Variants in P3H3 observed in about 807,000 individuals in gnomAD.
P3H3 encodes the protein gene rich cluster, B.
Under a neutral mutation model 78.1 loss-of-function variants are expected in P3H3, and 64 were observed. That is an observed-to-expected ratio of 0.82 (90% CI 0.67 to 1.01). P3H3 has a LOEUF of 1.01. P3H3 is among the 50% of genes least tolerant of loss of function. The pLI is 0.00. For missense variants in P3H3, 975 were observed against 982.2 expected, an observed-to-expected ratio of 0.99 and a Z score of 0.10; for synonymous variants, 425 against 416.7, an observed-to-expected ratio of 1.02 and a Z score of -0.24.
In P3H3 at chr12:6,831,950, G is replaced by A. The variant is rs781932486; in HGVS notation, c.1212+36G>A. 8.2e-6 allele frequency: 10 copies of A among 1,214,752 alleles called. No individual in the cohort carries two copies. The highest frequency in any genetic ancestry group is 3.8e-5 in the Admixed American group (2 of 53,236). 75.2% of individuals were successfully genotyped at this position (1,214,752 alleles called of 1,614,324 possible). ...CCACTTCTGCCCATCTCACCCCTCC[G>A]CACTCCCAGGAGGGATGGCACTTTG... On this transcript the variant is annotated intron_variant, in intron 6 of 14. Coordinates refer to ENST00000290510, the MANE Select transcript of P3H3 (RefSeq NM_014262.5). The surrounding 1 kb of genome is among the most constrained non-coding windows in gnomAD (Gnocchi z 4.6).
intron 9 of P3H3, among the ~76,000 whole-genome samples, 179 bp downstream of exon 9, chr12:6,834,228 T>C (rs1943475633): frequency 6.6e-6 from 1 of 152,186 alleles, no homozygotes; most frequent in African/African-American, 2.4e-5. Flanking sequence ...CTGACATAGG[T>C]GGATGTTCTT....
Position 6,830,784 on chromosome 12 carries a change from G to A in P3H3, c.985+14G>A, listed in dbSNP as rs1555121285. 10 of 1,613,318 alleles carry A rather than the reference G, an allele frequency of 6.2e-6. No homozygotes were observed. Among genetic ancestry groups the A allele is most frequent in the Non-Finnish European group, 8.5e-6 (10 of 1,179,380 alleles). On this transcript the variant is annotated intron_variant, in intron 4 of 14. Transcript: ENST00000290510. The stretch of plus-strand genomic sequence containing the variant: ...CCCATGCTCAGGGTCAGTTGGGGAA[G>A]GGTGGAAACGGGGAGTGAAGATTTG...
rs78623250 is a variant in P3H3 at position 6,838,032 on chromosome 12, C to T, written c.1904C>T (p.Thr635Met). ...FFTEPNALTVTARVRPRCGRL... is the reference protein window; with the variant it reads ...FFTEPNALTVMARVRPRCGRL... ...ACGGAGCCCAACGCCCTCACTGTCA[C>T]GGTGCGTGGAGTGGGGGGTGTGACG... The change falls in exon 13 of 15, where the codon ACG becomes ATG. Residue 635 changes from threonine to methionine, a missense_variant and splice_region_variant. Transcript: ENST00000290510. 9.7e-3 allele frequency: 15,470 copies of T among 1,601,022 alleles called. 108 individuals carry two copies. Among genetic ancestry groups the T allele is most frequent in the Admixed American group, 0.014 (815 of 58,118 alleles).
chr12:6,834,159 G>A (rs1417285992), intron 9 of P3H3, 110 bp downstream of exon 9: 21 of 1,503,740 alleles, frequency 1.4e-5, no homozygotes, highest in Admixed American at 3.6e-5. Flanking sequence ...TTATCCAACC[G>A]GGACTGTGCT....
chr12:6,837,821 C>G lies in P3H3; in HGVS notation c.1801C>G (p.Pro601Ala). The change falls in exon 12 of 15, where the codon CCC becomes GCC. Residue 601 changes from proline (P) to alanine (A), a missense_variant. Physicochemically the swap from Pro to Ala is conservative, Grantham distance 27. Transcript: ENST00000290510. The stretch of plus-strand genomic sequence containing the variant: ...TGACACGGGAGAGTGCTGGCGGGAG[C>G]CCCCAGCCTACACCTATCGGGACTA... ...DPDTGECWRE[P>A]PAYTYRDYSG... The G allele has an allele frequency of 6.2e-7, 1 of 1,611,984 alleles. No individual in the cohort carries two copies. Among genetic ancestry groups the G allele is most frequent in the Non-Finnish European group, 8.5e-7 (1 of 1,179,074 alleles).
At position 6,831,305 on chromosome 12, in the gene P3H3, T is replaced by G. The variant is rs202164451; in HGVS notation, c.1075T>G (p.Tyr359Asp). Residue 359 changes from tyrosine (Y) to aspartate (D), a missense_variant, in exon 5 of 15, where the codon TAC becomes GAC. Tyr to Asp is a radical substitution (Grantham distance 160, BLOSUM62 -3). Coordinates refer to ENST00000290510, the MANE Select transcript of P3H3 (RefSeq NM_014262.5). The surrounding 1 kb of genome is among the most constrained non-coding windows in gnomAD (Gnocchi z 4.6). Reference sequence around the variant, plus strand: ...GGCTGCCAAGAGGGCTCTGAACCAGTACCAGGCCCAGCTGGGAGAGCCGAG... The same window carrying G: ...GGCTGCCAAGAGGGCTCTGAACCAGGACCAGGCCCAGCTGGGAGAGCCGAG... ...DEAAKRALNQ[Y>D]QAQLGEPRPG... The G allele has an allele frequency of 2.2e-4, 349 of 1,613,850 alleles. No individual in the cohort carries two copies. The highest frequency in any genetic ancestry group is 2.8e-4 in the Non-Finnish European group (327 of 1,179,818).
At position 6,839,570 on chromosome 12, in the gene P3H3, C is replaced by G. The variant is rs1453993533; in HGVS notation, c.*109C>G. 2.3e-6 allele frequency: 3 copies of G among 1,280,830 alleles called. No homozygotes were observed. In the African/African-American group the frequency reaches 4.5e-5, roughly 19 times the overall value. 79.3% of individuals were successfully genotyped at this position (1,280,830 alleles called of 1,614,324 possible). A position where few individuals can be genotyped will look rare whatever the true frequency, so the allele number is the denominator to read the frequency against. On this transcript the variant is annotated 3_prime_UTR_variant, in exon 15 of 15. Transcript: ENST00000290510. ...GTGACATCAGGAGCAGAACAGCAAG[C>G]TCTCTGTCCCTGCACCCCCACCATC...
In P3H3 at chr12:6,837,412, A is replaced by G; in HGVS notation, c.1561-11A>G. On this transcript the variant is annotated splice_polypyrimidine_tract_variant and intron_variant, in intron 10 of 14. Coordinates refer to ENST00000290510, the MANE Select transcript of P3H3 (RefSeq NM_014262.5). ...TTCCTCCTTTTCTGCCCTGCCTTTC[A>G]CTGCCTGCAGCTGGCCCGGGCTGGG... 6.2e-7 allele frequency: 1 copy of G among 1,606,460 alleles called. No individual in the cohort carries two copies. Among genetic ancestry groups the G allele is most frequent in the Non-Finnish European group, 8.5e-7 (1 of 1,176,784 alleles).
In P3H3 at chr12:6,836,986, A is replaced by T; in HGVS notation, c.1460A>T (p.Asp487Val). ...CACGGTAAACTCCTTCCTATTTAGG[A>T]TGCAGCTGGGGCTGGAGCCAGGTCT... Reference protein sequence around the residue: ...ECGVLLQLAKDAAGAGARSGY... With the variant: ...ECGVLLQLAKVAAGAGARSGY... Residue 487 changes from aspartate to valine, a missense_variant and splice_region_variant, in exon 10 of 15, where the codon GAT becomes GTT. Physicochemically the swap from Asp to Val is radical, Grantham distance 152. Transcript: ENST00000290510. 6.2e-7 allele frequency: 1 copy of T among 1,610,556 alleles called. No homozygotes were observed.
Position 6,833,970 on chromosome 12 carries a change from A to C in P3H3, c.1379A>C (p.Gln460Pro). 1 of 1,613,968 alleles carries C rather than the reference A, an allele frequency of 6.2e-7. No individual in the cohort carries two copies. Among genetic ancestry groups the C allele is most frequent in the Non-Finnish European group, 8.5e-7 (1 of 1,179,890 alleles). Residue 460 changes from glutamine to proline, a missense_variant, in exon 9 of 15, where the codon CAG becomes CCG. Physicochemically the swap from Gln to Pro is moderately conservative, Grantham distance 76. Coordinates refer to ENST00000290510, the MANE Select transcript of P3H3 (RefSeq NM_014262.5). ...GTGACCTTGACCCAGGATTCCAGGC[A>C]GCTGAATGGGTCGGAGCGGGCGGTG... Reference protein sequence around the residue: ...EGVTLTQDSRQLNGSERAVLD... With the variant: ...EGVTLTQDSRPLNGSERAVLD...
chr12:6,832,794 G>T (rs1555121624), intron 6 of P3H3, among the ~76,000 whole-genome samples: 1 of 150,204 alleles, frequency 6.7e-6, no homozygotes, highest in Non-Finnish European at 1.5e-5. Flanking sequence ...TAGAGATGGG[G>T]TTTCACCATG....
Position 6,829,711 on chromosome 12 carries a change from G to C in P3H3, c.499-148G>C. 1 of 766,422 alleles carries C rather than the reference G, an allele frequency of 1.3e-6. No individual in the cohort carries two copies. The allele number at this position is 766,422 out of a possible 1,614,324, so 47.5% of individuals were successfully genotyped here. On this transcript the variant is annotated intron_variant, in intron 1 of 14. Coordinates refer to ENST00000290510, the MANE Select transcript of P3H3 (RefSeq NM_014262.5). The surrounding 1 kb of genome is among the most constrained non-coding windows in gnomAD (Gnocchi z 5.1). ...GGCCTCTAGGGGATCTGCAGTTCGGGCGGTGGGCGGTTCTGATTGGCCAGT... is the reference window on the plus strand; with the variant it reads ...GGCCTCTAGGGGATCTGCAGTTCGGCCGGTGGGCGGTTCTGATTGGCCAGT...
rs782740330 is a variant in P3H3, at chr12:6,838,048, G to A, written c.1905+15G>A. The A allele has an allele frequency of 5.2e-5, 82 of 1,589,754 alleles. No homozygotes were observed. The highest frequency in any genetic ancestry group is 6.9e-5 in the Non-Finnish European group (81 of 1,167,566). On this transcript the variant is annotated intron_variant, in intron 13 of 14. Transcript: ENST00000290510. ...TCACTGTCACGGTGCGTGGAGTGGG[G>A]GGTGTGACGGTGTGACAAAGGGCCC... is the stretch of plus-strand genomic sequence containing the variant.
intron 9 of P3H3, 84 bp from the exon 10 acceptor site, chr12:6,836,901 G>A: frequency 1.1e-6 from 1 of 934,954 alleles, no homozygotes; most frequent in South Asian, 1.5e-5. Flanking sequence ...CTGGAGAGCG[G>A]GAGGGCCGGA....
intron 6 of P3H3, among the ~76,000 whole-genome samples, chr12:6,833,102 G>A (rs1943465205): frequency 1.3e-5 from 2 of 152,012 alleles, no homozygotes; most frequent in Admixed American, 1.3e-4. Flanking sequence ...TTGAACCCAG[G>A]AGGCGGAGGT....
chr12:6,831,404 G>A lies in P3H3; in HGVS notation c.1122+52G>A. 1 of 1,607,504 alleles carries A rather than the reference G, an allele frequency of 6.2e-7. No homozygotes were observed. The highest frequency in any genetic ancestry group is 8.5e-7 in the Non-Finnish European group (1 of 1,178,038). ...GAGGTAGCCCCAAATCAAACAAATAGACCTGAGAAGTAACCTGGACCCCCA... is the reference window on the plus strand; with the variant it reads ...GAGGTAGCCCCAAATCAAACAAATAAACCTGAGAAGTAACCTGGACCCCCA... On this transcript the variant is annotated intron_variant, in intron 5 of 14. Coordinates refer to ENST00000290510, the MANE Select transcript of P3H3 (RefSeq NM_014262.5). The surrounding 1 kb of genome is among the most constrained non-coding windows in gnomAD (Gnocchi z 4.6).
rs371610008 is a variant in P3H3, at chr12:6,833,796, G to A, written c.1320G>A (p.Leu440=). The A allele has an allele frequency of 2.0e-5, 33 of 1,612,024 alleles. No individual in the cohort carries two copies. The highest frequency in any genetic ancestry group is 2.8e-5 in the Non-Finnish European group (33 of 1,178,258). ...ATGAGCCCGTGAAGCCAAAGCCCTTGACCTACTGGAAGGGTGAGTTCCTGG... is the reference window on the plus strand; with the variant it reads ...ATGAGCCCGTGAAGCCAAAGCCCTTAACCTACTGGAAGGGTGAGTTCCTGG... ...WDHEPVKPKP[L]TYWKDVLLLE... is the part of the protein sequence containing the mutation. Residue 440 remains leucine (L), a synonymous_variant, in exon 8 of 15, where the codon TTG becomes TTA. Transcript: ENST00000290510.
chr12:6,836,993 TG>T lies in P3H3; in HGVS notation c.1471del (p.Ala491LeufsTer48), dbSNP rs781787043. ...VLLQLAKDAAGAGARSGYRGR... is the reference protein window; with the variant it reads ...VLLQLAKDAAXAGARSGYRGR... ...AACTCCTTCCTATTTAGGATGCAGC[TG>T]GGGCTGGAGCCAGGTCTGGCTATCG... On this transcript the variant is annotated frameshift_variant, in exon 10 of 15. Coordinates refer to ENST00000290510, the MANE Select transcript of P3H3 (RefSeq NM_014262.5). LOFTEE classifies it high-confidence loss of function. 9 of 1,611,142 alleles carry T rather than the reference TG, an allele frequency of 5.6e-6. No individual in the cohort carries two copies. The Admixed American group carries it at 1.3e-4, about 24-fold the overall frequency.
Position 6,831,891 on chromosome 12 carries a change from C to T in P3H3, c.1189C>T (p.Leu397=). The T allele has an allele frequency of 6.2e-7, 1 of 1,605,188 alleles. No individual in the cohort carries two copies. The highest frequency in any genetic ancestry group is 8.5e-7 in the Non-Finnish European group (1 of 1,174,180). The change falls in exon 6 of 15, where the codon CTG becomes TTG. Residue 397 remains leucine (L), a synonymous_variant. Coordinates refer to ENST00000290510, the MANE Select transcript of P3H3 (RefSeq NM_014262.5). The surrounding 1 kb of genome is among the most constrained non-coding windows in gnomAD (Gnocchi z 4.6). ...KRQLYYAMEH[L]GTSFKDPDPW... ...GCAGCTCTACTATGCCATGGAGCACCTGGGGACCAGCTTCAAGGATCCTGT... is the reference window on the plus strand; with the variant it reads ...GCAGCTCTACTATGCCATGGAGCACTTGGGGACCAGCTTCAAGGATCCTGT...
Sources: gnomAD v4.1 joint callset for allele counts (sites outside exome capture counted in the v4.1 genomes callset) on GRCh38, gnomAD v4.1.1 for gene constraint, Gnocchi (gnomAD v3.1) non-coding constraint, MANE v1.5 for transcripts, NCBI Gene and HGNC (gene_info 2026-07-23, HGNC 2026-07-21) for gene names.